Variants in MYMX observed in about 807,000 individuals in gnomAD.
MYMX encodes myomixer, myoblast fusion factor, also known as protein myomixer.
upstream of MYMX, among the ~76,000 whole-genome samples, chr6:44,211,979 T>A (rs1372883374): frequency 6.6e-6 from 1 of 152,148 alleles, no homozygotes; most frequent in East Asian, 1.9e-4. Context: ...TTTTGCTATG[T>A]TGGCTGGGCT....
At chr6:44,215,417 A>C (rs966378924), upstream of MYMX, among the ~76,000 whole-genome samples, 14 of 151,844 alleles carry the variant, frequency 9.2e-5, no homozygotes, top group African/African-American at 3.4e-4. Flanking sequence ...CTACAAAATA[A>C]ATTTTAAAAA....
chr6:44,213,725 T>C (rs1775722258), upstream of MYMX, among the ~76,000 whole-genome samples: 1 of 152,242 alleles, frequency 6.6e-6, no homozygotes, highest in Non-Finnish European at 1.5e-5. Flanking sequence ...CGGTCTCTAG[T>C]ATTGTTTCAT....
chr6:44,217,218 G>C (rs1475383502), intron 1 of MYMX, among the ~76,000 whole-genome samples: 6 of 152,098 alleles, frequency 3.9e-5, no homozygotes, highest in African/African-American at 1.4e-4. Flanking sequence ...TGTAGGTCTT[G>C]GTTTACTCTT....
chr6:44,218,027 T>G lies in MYMX; in HGVS notation c.*301T>G. Reference sequence around the variant, plus strand: ...AGGGGAACTAACACCCACCCACCCCTGCCCTCCCTGCAAATGGGAACATCA... The same window carrying G: ...AGGGGAACTAACACCCACCCACCCCGGCCCTCCCTGCAAATGGGAACATCA... On this transcript the variant is annotated 3_prime_UTR_variant, in exon 2 of 2. Coordinates refer to ENST00000573382, the MANE Select transcript of MYMX (RefSeq NM_001315494.2). 3.9e-6 allele frequency: 1 copy of G among 258,284 alleles called. No individual in the cohort carries two copies. Among genetic ancestry groups the G allele is most frequent in the Non-Finnish European group, 7.2e-6 (1 of 139,456 alleles). 16.0% of individuals were successfully genotyped at this position (258,284 alleles called of 1,614,324 possible).
upstream of MYMX, among the ~76,000 whole-genome samples, chr6:44,216,459 G>A (rs997725572): frequency 6.6e-6 from 1 of 151,960 alleles, no homozygotes; most frequent in Admixed American, 6.6e-5. Context: ...AGACCAGCCT[G>A]ACCAACATGG....
At chr6:44,202,355 A>G in the MYMX span, among the ~76,000 whole-genome samples, 7 of 152,138 alleles carry the variant, frequency 4.6e-5, no homozygotes, top group East Asian at 1.4e-3. Context: ...GGAGTGGACC[A>G]CAAAGGCAGA....
At chr6:44,213,028 A>G (rs1775681097), upstream of MYMX, among the ~76,000 whole-genome samples, 2 of 152,212 alleles carry the variant, frequency 1.3e-5, no homozygotes, top group South Asian at 4.1e-4. Context: ...TCTAAATAAA[A>G]ATAAAAATAA....
intron 1 of MYMX, 135 bp from the exon 2 acceptor site, chr6:44,217,315 A>C (rs1775932699): frequency 2.5e-6 from 1 of 397,358 alleles, no homozygotes; most frequent in Non-Finnish European, 4.4e-6. Context: ...CATGAAAGCA[A>C]AAATGACCTA....
upstream of MYMX, among the ~76,000 whole-genome samples, chr6:44,212,468 G>A (rs927017714): frequency 1.3e-5 from 2 of 151,420 alleles, no homozygotes; most frequent in Non-Finnish European, 1.5e-5. Context: ...CTGTCACCAC[G>A]AAGAAATAAT....
At chr6:44,192,946 C>T in the MYMX span, among the ~76,000 whole-genome samples, 1 of 152,344 alleles carries the variant, frequency 6.6e-6, no homozygotes, top group African/African-American at 2.4e-5. Context: ...TCCCAGCTAA[C>T]GTGACCGCTT....
chr6:44,198,154 C>CTTTTT, the MYMX span, among the ~76,000 whole-genome samples: 2 of 79,770 alleles, frequency 2.5e-5, no homozygotes, highest in African/African-American at 5.5e-5. Flanking sequence ...CCAAATTCCT[C>CTTTTT]TTTTTTTTTT....
upstream of MYMX, among the ~76,000 whole-genome samples, chr6:44,213,606 G>C (rs773615174): frequency 6.6e-6 from 1 of 151,760 alleles, no homozygotes; most frequent in Non-Finnish European, 1.5e-5. Context: ...ATTTTTAGTA[G>C]AGACAGGGTT....
chr6:44,196,599 C>T, the MYMX span, among the ~76,000 whole-genome samples: 5 of 152,112 alleles, frequency 3.3e-5, no homozygotes, highest in African/African-American at 1.2e-4. Context: ...GAATCACTTG[C>T]ACCCGGGAGG....
the MYMX span, among the ~76,000 whole-genome samples, chr6:44,196,796 TA>T: frequency 1.3e-5 from 2 of 151,526 alleles, no homozygotes; most frequent in Non-Finnish European, 2.9e-5. Flanking sequence ...CTGTCTCTAT[TA>T]AAAATACAAA....
chr6:44,201,945 G>A, the MYMX span, among the ~76,000 whole-genome samples: 2 of 152,234 alleles, frequency 1.3e-5, no homozygotes, highest in South Asian at 2.1e-4. Context: ...GTTCCAGAGC[G>A]ACCAACTCAG....
chr6:44,212,860 C>CAA (rs138470528), upstream of MYMX, among the ~76,000 whole-genome samples: 1,604 of 83,918 alleles, frequency 0.019, 22 homozygotes, highest in African/African-American at 0.07. Flanking sequence ...CTTGTCTCTC[C>CAA]AAAAAAAAAA....
the MYMX span, among the ~76,000 whole-genome samples, chr6:44,205,678 G>A: frequency 5.3e-5 from 8 of 151,766 alleles, no homozygotes; most frequent in South Asian, 4.2e-4. Flanking sequence ...GCATGGTGGC[G>A]GGCGCCTGTA....
chr6:44,208,311 T>TTAA, the MYMX span, among the ~76,000 whole-genome samples: 2 of 151,368 alleles, frequency 1.3e-5, no homozygotes, highest in African/African-American at 4.9e-5. Context: ...AACTGTCTTA[T>TTAA]TAATACCCAT....
the MYMX span, among the ~76,000 whole-genome samples, chr6:44,193,065 A>T: frequency 6.6e-6 from 1 of 152,064 alleles, no homozygotes; most frequent in Non-Finnish European, 1.5e-5. Flanking sequence ...TTTTACCTTG[A>T]CTGTCTTCCT....
Sources: allele counts gnomAD v4.1 joint callset (sites outside exome capture counted in the v4.1 genomes callset), GRCh38; gene constraint gnomAD v4.1.1; transcripts MANE v1.5; gene names NCBI Gene and HGNC (gene_info 2026-07-23, HGNC 2026-07-21).